Variants in MIPEP observed in about 807,000 individuals in gnomAD.
MIPEP encodes mitochondrial intermediate peptidase.
MIPEP carries 79 observed loss-of-function variants against 90.3 expected under a neutral mutation model. That is an observed-to-expected ratio of 0.87 (90% CI 0.73 to 1.05). The LOEUF is 1.05. Among genes scored for constraint, MIPEP ranks in the 50% least tolerant of loss-of-function variants. The pLI, the probability that MIPEP is intolerant of heterozygous loss-of-function variation, is 0.00. For missense variants in MIPEP, 940 were observed against 905.6 expected (o/e 1.04, Z -0.49); for synonymous variants, 334 against 315.8 (o/e 1.06, Z -0.61).
At chr13:23,782,372 A>G (rs182969795) in intron 16 of MIPEP, among the ~76,000 whole-genome samples, 19 of 152,352 alleles carry the variant, frequency 1.2e-4, no homozygotes, top group Non-Finnish European at 1.3e-4. Context: ...ACATGACAAA[A>G]TGAAGGCAGA....
intron 16 of MIPEP, among the ~76,000 whole-genome samples, chr13:23,782,365 T>C (rs1481318577): frequency 6.6e-6 from 1 of 152,046 alleles, no homozygotes; most frequent in Non-Finnish European, 1.5e-5. Flanking sequence ...ACCGGGTACA[T>C]GACAAAATGA....
chr13:23,865,392 T>C (rs1870486575), intron 7 of MIPEP, among the ~76,000 whole-genome samples: 1 of 152,234 alleles, frequency 6.6e-6, no homozygotes, highest in Non-Finnish European at 1.5e-5. Flanking sequence ...ATGAGGTTTC[T>C]TGCCACTGTC....
chr13:23,783,594 T>C (rs1336166632), intron 16 of MIPEP, among the ~76,000 whole-genome samples: 1 of 152,176 alleles, frequency 6.6e-6, no homozygotes, highest in African/African-American at 2.4e-5. Context: ...TTGGAAGTTC[T>C]GGCCAGGGCA....
intron 5 of MIPEP, among the ~76,000 whole-genome samples, chr13:23,870,443 A>C (rs1333666046): frequency 6.6e-6 from 1 of 152,148 alleles, no homozygotes; most frequent in East Asian, 1.9e-4. Flanking sequence ...TCTATGTTTT[A>C]AGATTTACAT....
At chr13:23,836,828 A>G (rs1453487933) in intron 13 of MIPEP, among the ~76,000 whole-genome samples, 1 of 152,248 alleles carries the variant, frequency 6.6e-6, no homozygotes, top group Non-Finnish European at 1.5e-5. Flanking sequence ...ACTCAAAATT[A>G]CTTAAAGTAA....
intron 3 of MIPEP, among the ~76,000 whole-genome samples, chr13:23,881,285 A>C (rs1871261031): frequency 6.6e-6 from 1 of 152,204 alleles, no homozygotes; most frequent in Non-Finnish European, 1.5e-5. Flanking sequence ...ATCAAGCGAT[A>C]ATCTAGTAAG....
chr13:23,835,774 C>G (rs1869010159), intron 14 of MIPEP, among the ~76,000 whole-genome samples: 1 of 152,200 alleles, frequency 6.6e-6, no homozygotes, highest in Non-Finnish European at 1.5e-5. Flanking sequence ...AAGGACTTTT[C>G]AGACTAAACA....
intron 4 of MIPEP, among the ~76,000 whole-genome samples, chr13:23,875,641 A>G (rs191303932): frequency 6.6e-6 from 1 of 151,038 alleles, no homozygotes; most frequent in East Asian, 1.9e-4. Context: ...CAAAATAGAT[A>G]TATTTACCTT....
chr13:23,758,418 C>T (rs887952288), intron 17 of MIPEP, among the ~76,000 whole-genome samples: 1 of 152,106 alleles, frequency 6.6e-6, no homozygotes, highest in Non-Finnish European at 1.5e-5. Flanking sequence ...AAAAGTATGG[C>T]AACTACATGT....
At chr13:23,884,371 T>C (rs1871387059) in intron 2 of MIPEP, among the ~76,000 whole-genome samples, 1 of 152,230 alleles carries the variant, frequency 6.6e-6, no homozygotes, top group Non-Finnish European at 1.5e-5. Flanking sequence ...ATAATAATTT[T>C]AAAAACAAGT....
At chr13:23,840,539 T>C (rs553921763) in intron 11 of MIPEP, among the ~76,000 whole-genome samples, 3 of 152,338 alleles carry the variant, frequency 2.0e-5, no homozygotes, top group African/African-American at 7.2e-5. Flanking sequence ...TCAATCTCTA[T>C]CTTTTTTGGA....
At chr13:23,784,854 A>G (rs1295373792) in intron 16 of MIPEP, among the ~76,000 whole-genome samples, 3 of 152,208 alleles carry the variant, frequency 2.0e-5, no homozygotes, top group African/African-American at 7.2e-5. Context: ...TTCTCAAAAG[A>G]AGACATTTAT....
At chr13:23,776,902 T>G (rs576577642) in intron 16 of MIPEP, among the ~76,000 whole-genome samples, 7 of 152,270 alleles carry the variant, frequency 4.6e-5, no homozygotes, top group Admixed American at 3.9e-4. Flanking sequence ...TACTTTTGTT[T>G]CAGTTTCACT....
At position 23,771,017 on chromosome 13, in the gene MIPEP, A is replaced by C. The variant is rs185529685; in HGVS notation, c.1849-10800T>G. Among the ~76,000 whole-genome samples the C allele has an allele frequency of 7.0e-3, 1,061 of 152,266 alleles. 9 individuals carry two copies. The highest frequency in any genetic ancestry group is 9.9e-3 in the Non-Finnish European group (670 of 68,014). On this transcript the variant is annotated intron_variant, in intron 16 of 18. Coordinates refer to ENST00000382172, the MANE Select transcript of MIPEP (RefSeq NM_005932.4). ...CTCACTGAATTCACAACTGGCCAGC[A>C]CTAGAGAGGACCCTGACCTCATGGC...
At chr13:23,740,410 C>A (rs1952314191) in intron 18 of MIPEP, among the ~76,000 whole-genome samples, 1 of 149,316 alleles carries the variant, frequency 6.7e-6, no homozygotes, top group Non-Finnish European at 1.5e-5. Flanking sequence ...GTTGTAACTT[C>A]TTCCTTTGAG....
At chr13:23,759,991 G>T in intron 17 of MIPEP, 105 bp downstream of exon 17, 3 of 1,419,092 alleles carry the variant, frequency 2.1e-6, no homozygotes, top group Non-Finnish European at 2.9e-6. Context: ...TGCCAGGTTT[G>T]GCTGTGTTAT....
rs563446323 is a variant in MIPEP at position 23,880,771 on chromosome 13, T to C, written c.452+928A>G. Among the ~76,000 whole-genome samples, 10 of 152,246 alleles carry C rather than the reference T, an allele frequency of 6.6e-5. 1 individual carries two copies. Among genetic ancestry groups the C allele is most frequent in the African/African-American group, 1.9e-4 (8 of 41,464 alleles). ...ACACGATTGTGCCAAAGTGAACAAA[T>C]GTTGGCGACCTGGGGAAAAGCAGCA... On this transcript the variant is annotated intron_variant, in intron 3 of 18. Coordinates refer to ENST00000382172, the MANE Select transcript of MIPEP (RefSeq NM_005932.4).
chr13:23,869,211 T>G, intron 7 of MIPEP, 81 bp downstream of exon 7: 1 of 1,282,420 alleles, frequency 7.8e-7, no homozygotes. Context: ...AATAGAACAC[T>G]AATTTACAGC....
At chr13:23,743,650 A>G (rs1318938975) in intron 18 of MIPEP, among the ~76,000 whole-genome samples, 2 of 152,242 alleles carry the variant, frequency 1.3e-5, no homozygotes, top group African/African-American at 4.8e-5. Flanking sequence ...ACAGCCCCAC[A>G]TATGTGCCCT....
Sources: allele counts gnomAD v4.1 joint callset (sites outside exome capture counted in the v4.1 genomes callset), GRCh38; gene constraint gnomAD v4.1.1; transcripts MANE v1.5; gene names NCBI Gene and HGNC (gene_info 2026-07-23, HGNC 2026-07-21).